CSMD1: variants seen among roughly 807,000 people sequenced by gnomAD.
CSMD1 encodes the protein CUB and Sushi multiple domains 1, also known as CUB and sushi domain-containing protein 1.
In CSMD1, 213 loss-of-function variants were observed where a neutral mutation model predicts 417.5. That is an observed-to-expected ratio of 0.51 (90% CI 0.46 to 0.57). The LOEUF (loss-of-function observed/expected upper bound fraction) is 0.57, where lower values mean the gene tolerates loss of function less well. Among genes scored for constraint, CSMD1 ranks in the 20% least tolerant of loss-of-function variants. The pLI, the probability that CSMD1 is intolerant of heterozygous loss-of-function variation, is 0.00. For synonymous variants in CSMD1, 2,862 were observed against 1,736.8 expected (o/e 1.65, Z -16.11); for missense variants, 6,923 against 4,529.7 (o/e 1.53, Z -15.17).
intron 3 of CSMD1, among the ~76,000 whole-genome samples, chr8:4,243,773 C>T (rs757676642): frequency 2.0e-5 from 3 of 152,000 alleles, no homozygotes; most frequent in Admixed American, 6.6e-5. Flanking sequence ...TAGTATTCAA[C>T]GAGGAAAGAA....
chr8:3,178,839 A>C (rs1024365547), intron 37 of CSMD1, among the ~76,000 whole-genome samples: 1 of 152,178 alleles, frequency 6.6e-6, no homozygotes, highest in Non-Finnish European at 1.5e-5. Flanking sequence ...ATGTCAACAA[A>C]TTTAAGATAT....
chr8:4,115,838 G>T (rs1802105472), intron 3 of CSMD1, among the ~76,000 whole-genome samples: 1 of 151,850 alleles, frequency 6.6e-6, no homozygotes. Context: ...AATCTGAAAA[G>T]GTACATACTG....
intron 10 of CSMD1, among the ~76,000 whole-genome samples, chr8:3,550,568 T>A (rs12056867): frequency 0.091 from 13,916 of 152,240 alleles, 658 homozygotes; most frequent in Middle Eastern, 0.15. Flanking sequence ...CAAACACTTA[T>A]CTTATGGGTG....
chr8:3,919,284 G>C (rs886091696), intron 5 of CSMD1, among the ~76,000 whole-genome samples: 1 of 151,724 alleles, frequency 6.6e-6, no homozygotes, highest in African/African-American at 2.4e-5. Context: ...TGCGGGTTTG[G>C]GTATCGCACT....
At chr8:4,126,365 C>G (rs557793790) in intron 3 of CSMD1, among the ~76,000 whole-genome samples, 1 of 152,324 alleles carries the variant, frequency 6.6e-6, no homozygotes, top group East Asian at 1.9e-4. Flanking sequence ...CGAGACCTGT[C>G]TCAGCTATTC....
chr8:4,059,961 G>A (rs1410999132), intron 3 of CSMD1, among the ~76,000 whole-genome samples: 3 of 152,028 alleles, frequency 2.0e-5, no homozygotes, highest in Middle Eastern at 3.2e-3. Context: ...GCATCATCCT[G>A]ATACCAAAGC....
chr8:4,134,301 G>T (rs886518972), intron 3 of CSMD1, among the ~76,000 whole-genome samples: 1 of 152,126 alleles, frequency 6.6e-6, no homozygotes, highest in Non-Finnish European at 1.5e-5. Context: ...AAAGCCTTTA[G>T]GTTGGTGATT....
intron 66 of CSMD1, 88 bp downstream of exon 66, chr8:2,951,026 T>C: frequency 7.2e-7 from 1 of 1,383,896 alleles, no homozygotes; most frequent in East Asian, 2.3e-5. Context: ...TAATAAGTAC[T>C]TAATACTTAC....
chr8:4,581,059 G>C (rs751451537), intron 2 of CSMD1, among the ~76,000 whole-genome samples: 4 of 152,128 alleles, frequency 2.6e-5, no homozygotes, highest in Non-Finnish European at 5.9e-5. Flanking sequence ...GACTGCATAT[G>C]AAACTAGTTT....
At chr8:3,751,310 G>A (rs978766401) in intron 6 of CSMD1, among the ~76,000 whole-genome samples, 1 of 145,572 alleles carries the variant, frequency 6.9e-6, no homozygotes, top group African/African-American at 2.5e-5. Flanking sequence ...GTGTGTGTGT[G>A]TGTGTGTGTG....
intron 3 of CSMD1, among the ~76,000 whole-genome samples, chr8:4,069,404 C>T (rs372102896): frequency 6.6e-6 from 1 of 152,052 alleles, no homozygotes; most frequent in Admixed American, 6.5e-5. Flanking sequence ...CTGAGTTTTC[C>T]GAGTTTTCCA....
chr8:4,053,549 C>G (rs1798542299), intron 3 of CSMD1, among the ~76,000 whole-genome samples: 1 of 152,152 alleles, frequency 6.6e-6, no homozygotes, highest in African/African-American at 2.4e-5. Context: ...GTGGTTTTCT[C>G]TGACCTTGCA....
chr8:4,145,177 T>C (rs537118419), intron 3 of CSMD1, among the ~76,000 whole-genome samples: 2 of 151,250 alleles, frequency 1.3e-5, no homozygotes, highest in East Asian at 1.9e-4. Flanking sequence ...TTCATTCAAT[T>C]ACTAAAACAC....
rs1029401643 is a variant in CSMD1, at chr8:3,755,169, A to G, written c.819-1127T>C. On this transcript the variant is annotated intron_variant, in intron 5 of 69. Coordinates refer to ENST00000635120, the MANE Select transcript of CSMD1 (RefSeq NM_033225.6). ...CGTTAGAGGCGCAAGGGACACATTT[A>G]GTTTTTCAGTGGCATAAGCATCACT... Among the ~76,000 whole-genome samples the G allele has an allele frequency of 7.2e-5, 11 of 152,210 alleles. 1 individual carries two copies. The highest frequency in any genetic ancestry group is 2.0e-4 in the Admixed American group (3 of 15,280).
At chr8:4,227,356 A>G (rs749286715) in intron 3 of CSMD1, among the ~76,000 whole-genome samples, 8 of 152,078 alleles carry the variant, frequency 5.3e-5, no homozygotes, top group Non-Finnish European at 1.2e-4. Context: ...TAAGAGGTCT[A>G]TTGTCTAACA....
chr8:3,922,932 C>G (rs911072929), intron 5 of CSMD1, among the ~76,000 whole-genome samples: 1 of 152,128 alleles, frequency 6.6e-6, no homozygotes, highest in Non-Finnish European at 1.5e-5. Flanking sequence ...TCAACAAATA[C>G]CGAAACAGAT....
At chr8:3,562,616 A>G (rs1439978273) in intron 10 of CSMD1, among the ~76,000 whole-genome samples, 2 of 152,060 alleles carry the variant, frequency 1.3e-5, no homozygotes, top group East Asian at 3.9e-4. Flanking sequence ...ATTTCTAGAA[A>G]TTTTTCTGAA....
intron 3 of CSMD1, among the ~76,000 whole-genome samples, chr8:4,035,496 G>GAAAGC (rs1797570760): frequency 1.3e-5 from 2 of 152,174 alleles, no homozygotes; most frequent in African/African-American, 4.8e-5. Context: ...CTCCATACCT[G>GAAAGC]TCCTTGCCCC....
intron 18 of CSMD1, among the ~76,000 whole-genome samples, chr8:3,385,016 TA>T (rs1810904324): frequency 2.7e-4 from 2 of 7,392 alleles, no homozygotes; most frequent in South Asian, 0.017. Flanking sequence ...TATAAATATA[TA>T]ATATATAAAT....
Sources: allele counts gnomAD v4.1 joint callset (sites outside exome capture counted in the v4.1 genomes callset), GRCh38; gene constraint gnomAD v4.1.1; transcripts MANE v1.5; gene names NCBI Gene and HGNC (gene_info 2026-07-23, HGNC 2026-07-21).